The following ARHGAP15 variants were observed in gnomAD, a reference collection of about 807,000 sequenced individuals.
ARHGAP15 encodes rho GTPase-activating protein 15.
Under a neutral mutation model 63.7 loss-of-function variants are expected in ARHGAP15, and 51 were observed. That is an observed-to-expected ratio of 0.80 (90% confidence interval 0.64 to 1.01). The LOEUF (loss-of-function observed/expected upper bound fraction) is 1.01. ARHGAP15 is among the 50% of genes least tolerant of loss of function. ARHGAP15 has a pLI of 0.00. For missense variants in ARHGAP15, 560 were observed against 564.6 expected (o/e 0.99, Z 0.08); for synonymous variants, 191 against 193.8 (o/e 0.99, Z 0.12).
chr2:143,656,816 C>A (rs146101319), intron 12 of ARHGAP15, among the ~76,000 whole-genome samples: 6 of 152,218 alleles, frequency 3.9e-5, no homozygotes, highest in African/African-American at 9.6e-5. Context: ...AGAAAGAGTA[C>A]TCCTCCTCTT....
intron 11 of ARHGAP15, among the ~76,000 whole-genome samples, chr2:143,568,947 G>C (rs559770937): frequency 2.6e-5 from 4 of 152,260 alleles, no homozygotes; most frequent in African/African-American, 9.6e-5. Context: ...CTCACTCATA[G>C]GTGGGAATTG....
At chr2:143,167,819 G>T (rs1045403334) in intron 2 of ARHGAP15, among the ~76,000 whole-genome samples, 1 of 152,066 alleles carries the variant, frequency 6.6e-6, no homozygotes, top group Non-Finnish European at 1.5e-5. Context: ...CTTTTTATTT[G>T]GTTGGAATGG....
intron 6 of ARHGAP15, among the ~76,000 whole-genome samples, chr2:143,372,770 T>G (rs1574349979): frequency 6.6e-6 from 1 of 152,158 alleles, no homozygotes; most frequent in Non-Finnish European, 1.5e-5. Flanking sequence ...TTCAGTGTTA[T>G]GTCAGTTAAC....
At chr2:143,464,836 T>A (rs1691124305) in intron 8 of ARHGAP15, among the ~76,000 whole-genome samples, 2 of 152,150 alleles carry the variant, frequency 1.3e-5, no homozygotes, top group South Asian at 4.1e-4. Flanking sequence ...GATTCCTACA[T>A]TCCCTTAAAG....
At chr2:143,176,400 A>G (rs1691010912) in intron 2 of ARHGAP15, among the ~76,000 whole-genome samples, 1 of 152,138 alleles carries the variant, frequency 6.6e-6, no homozygotes, top group Non-Finnish European at 1.5e-5. Flanking sequence ...AAAAAAGTGG[A>G]ATTGATATTC....
intron 9 of ARHGAP15, among the ~76,000 whole-genome samples, chr2:143,509,392 T>A (rs1405714486): frequency 1.3e-5 from 2 of 151,870 alleles, no homozygotes; most frequent in African/African-American, 2.4e-5. Flanking sequence ...GTGCATGTCG[T>A]AGATTCAGCA....
chr2:143,284,606 T>A (rs1464699907), intron 6 of ARHGAP15, among the ~76,000 whole-genome samples: 1 of 152,160 alleles, frequency 6.6e-6, no homozygotes, highest in African/African-American at 2.4e-5. Flanking sequence ...AATGGAGCCG[T>A]TCCAGTGCGT....
At chr2:143,309,536 T>A (rs552341246) in intron 6 of ARHGAP15, among the ~76,000 whole-genome samples, 172 of 152,192 alleles carry the variant, frequency 1.1e-3, no homozygotes, top group African/African-American at 3.9e-3. Flanking sequence ...CAAATATGTT[T>A]TAAGAATGAA....
At chr2:143,317,253 T>C (rs1448104644) in intron 6 of ARHGAP15, among the ~76,000 whole-genome samples, 4 of 152,214 alleles carry the variant, frequency 2.6e-5, no homozygotes, top group African/African-American at 9.6e-5. Flanking sequence ...AAATAATTTA[T>C]GAGTGAATGT....
At chr2:143,656,202 C>T (rs981475657) in intron 12 of ARHGAP15, 3 of 152,118 alleles carry the variant, frequency 2.0e-5, no homozygotes, top group African/African-American at 7.2e-5. Context: ...TAAAAAGACA[C>T]CACAAATGGC....
At chr2:143,396,661 T>C (rs1214262538) in intron 6 of ARHGAP15, among the ~76,000 whole-genome samples, 1 of 151,792 alleles carries the variant, frequency 6.6e-6, no homozygotes, top group Non-Finnish European at 1.5e-5. Flanking sequence ...GCTTCCTGAA[T>C]GGTTTCATGA....
chr2:143,174,767 C>A (rs1457152111), intron 2 of ARHGAP15, among the ~76,000 whole-genome samples: 2 of 152,090 alleles, frequency 1.3e-5, no homozygotes, highest in African/African-American at 4.8e-5. Context: ...TCTGGAGGGA[C>A]AATGGAGCTA....
At chr2:143,165,994 G>GAAAGAAAGAAAGAA (rs1482974356) in intron 2 of ARHGAP15, among the ~76,000 whole-genome samples, 9 of 129,830 alleles carry the variant, frequency 6.9e-5, no homozygotes, top group Non-Finnish European at 1.3e-4. Flanking sequence ...AAGAAAGAAA[G>GAAAGAAAGAAAGAA]AAAGAAAGAA....
At chr2:143,412,002 G>C (rs1211249824) in intron 6 of ARHGAP15, among the ~76,000 whole-genome samples, 1 of 152,176 alleles carries the variant, frequency 6.6e-6, no homozygotes, top group East Asian at 1.9e-4. Context: ...GGTTTGAGAG[G>C]AGAGGGGTCA....
chr2:143,478,860 A>C (rs1015548979), intron 8 of ARHGAP15, among the ~76,000 whole-genome samples: 14 of 152,236 alleles, frequency 9.2e-5, no homozygotes, highest in African/African-American at 3.1e-4. Flanking sequence ...AACTATCTGC[A>C]CATGTCATGT....
At chr2:143,379,526 TG>T (rs1686970624) in intron 6 of ARHGAP15, among the ~76,000 whole-genome samples, 1 of 150,300 alleles carries the variant, frequency 6.7e-6, no homozygotes, top group African/African-American at 2.5e-5. Context: ...TGTGTGTGTG[TG>T]TGTGTATGAG....
At chr2:143,141,724 G>A (rs935882498) in intron 1 of ARHGAP15, among the ~76,000 whole-genome samples, 1 of 152,140 alleles carries the variant, frequency 6.6e-6, no homozygotes, top group East Asian at 1.9e-4. Context: ...TGCAAATGCA[G>A]TCTCCTGGTT....
chr2:143,242,379 G>T (rs35373393), intron 5 of ARHGAP15, among the ~76,000 whole-genome samples: 1 of 152,122 alleles, frequency 6.6e-6, no homozygotes, highest in Admixed American at 6.5e-5. Context: ...GACATCAAAA[G>T]TGTACCCAAG....
chr2:143,140,573 A>G (rs1445972392), intron 1 of ARHGAP15, among the ~76,000 whole-genome samples: 1 of 152,198 alleles, frequency 6.6e-6, no homozygotes, highest in East Asian at 1.9e-4. Flanking sequence ...AGACAGATCT[A>G]CTAGGGTCCT....
Sources: allele counts gnomAD v4.1 joint callset (sites outside exome capture counted in the v4.1 genomes callset), GRCh38; gene constraint gnomAD v4.1.1; transcripts MANE v1.5; gene names NCBI Gene and HGNC (gene_info 2026-07-23, HGNC 2026-07-21).